Variants in CTTNBP2 observed in about 807,000 individuals in gnomAD.
The protein encoded by CTTNBP2 is cortactin-binding protein 2.
CTTNBP2 carries 108 observed loss-of-function variants against 156.9 expected under a neutral mutation model. That is an observed-to-expected ratio of 0.69 (90% CI 0.59 to 0.81). The LOEUF (loss-of-function observed/expected upper bound fraction) is 0.81, where lower values mean the gene tolerates loss of function less well. Ranked by LOEUF, CTTNBP2 falls within the 30% of genes least tolerant of loss-of-function variation. The probability of loss-of-function intolerance (pLI) is 0.00; values close to 1 mark genes in which losing one functional copy is unlikely to be tolerated. For missense variants in CTTNBP2, 1,924 were observed against 2,035.4 expected, an observed-to-expected ratio of 0.95 and a Z score of 1.05; for synonymous variants, 767 against 751.8, an observed-to-expected ratio of 1.02 and a Z score of -0.33.
At chr7:117,734,637 A>G (rs550670336) in intron 16 of CTTNBP2, among the ~76,000 whole-genome samples, 31 of 152,326 alleles carry the variant, frequency 2.0e-4, no homozygotes, top group African/African-American at 7.5e-4. Flanking sequence ...AGAGTGATTA[A>G]TTTTCTAACC....
chr7:117,842,544 C>G (rs890225049), intron 2 of CTTNBP2, among the ~76,000 whole-genome samples: 3 of 151,962 alleles, frequency 2.0e-5, no homozygotes, highest in Non-Finnish European at 2.9e-5. Flanking sequence ...AGAACCATCA[C>G]AGTAAAGTAA....
chr7:117,833,095 T>G (rs1262144024), intron 2 of CTTNBP2, among the ~76,000 whole-genome samples: 1 of 152,004 alleles, frequency 6.6e-6, no homozygotes, highest in Non-Finnish European at 1.5e-5. Flanking sequence ...CAAGCCACTA[T>G]CTCCCTGTAC....
At chr7:117,760,792 T>C (rs1406113228) in intron 9 of CTTNBP2, 82 bp from the exon 10 acceptor site, 2 of 900,840 alleles carry the variant, frequency 2.2e-6, no homozygotes, top group African/African-American at 1.7e-5. Flanking sequence ...AATAAGCAGA[T>C]ATAAACATTT....
intron 8 of CTTNBP2, 70 bp downstream of exon 8, chr7:117,777,441 T>C: frequency 4.7e-6 from 7 of 1,502,840 alleles, no homozygotes; most frequent in Non-Finnish European, 5.4e-6. Context: ...GTGCACTTAA[T>C]CTATAGCAGA....
chr7:117,712,723 A>G (rs1249960880), intron 22 of CTTNBP2, among the ~76,000 whole-genome samples: 1 of 152,170 alleles, frequency 6.6e-6, no homozygotes, highest in Non-Finnish European at 1.5e-5. Flanking sequence ...ATCGTCTTAT[A>G]TGACATTGGA....
intron 6 of CTTNBP2, among the ~76,000 whole-genome samples, chr7:117,781,380 A>G (rs1432689125): frequency 1.3e-5 from 2 of 152,216 alleles, no homozygotes; most frequent in Admixed American, 6.5e-5. Flanking sequence ...CCCTTGCAGT[A>G]TCTGATTTAT....
chr7:117,749,709 A>AT (rs201077485), intron 12 of CTTNBP2, among the ~76,000 whole-genome samples: 42 of 149,700 alleles, frequency 2.8e-4, no homozygotes, highest in East Asian at 1.4e-3. Context: ...ATCTTTTTTT[A>AT]TTTTTTTTTT....
At chr7:117,805,084 T>A (rs1799851390) in intron 3 of CTTNBP2, among the ~76,000 whole-genome samples, 1 of 152,218 alleles carries the variant, frequency 6.6e-6, no homozygotes, top group Non-Finnish European at 1.5e-5. Context: ...TTTTGAAGCA[T>A]GAACTAGGTC....
intron 2 of CTTNBP2, among the ~76,000 whole-genome samples, chr7:117,822,808 G>A (rs1462095372): frequency 2.0e-5 from 3 of 152,146 alleles, no homozygotes; most frequent in Admixed American, 6.5e-5. Flanking sequence ...ACCAGAGTGT[G>A]TTTTCTGCAT....
At chr7:117,865,557 T>G (rs941213272) in intron 1 of CTTNBP2, among the ~76,000 whole-genome samples, 1 of 148,630 alleles carries the variant, frequency 6.7e-6, no homozygotes, top group Non-Finnish European at 1.5e-5. Flanking sequence ...GCACCTGTAG[T>G]CCCAGCTACT....
In CTTNBP2 at chr7:117,810,940, A is replaced by C; in HGVS notation, c.239T>G (p.Leu80Arg). The C allele has an allele frequency of 6.2e-7, 1 of 1,614,126 alleles. No individual in the cohort carries two copies. The highest frequency in any genetic ancestry group is 8.5e-7 in the Non-Finnish European group (1 of 1,180,008). ...FIQERYGRFN[L>R]NDPFLALQRD... ...CTGGAGTGCCAGGAACGGGTCATTT[A>C]GATTAAATCTCCCATACCGTTCCTG... The change falls in exon 3 of 23, where the codon CTA (leucine) becomes CGA (arginine). Residue 80 changes from leucine to arginine, a missense_variant. Transcript: ENST00000160373.
At chr7:117,823,109 A>G (rs1429080718) in intron 2 of CTTNBP2, among the ~76,000 whole-genome samples, 2 of 152,140 alleles carry the variant, frequency 1.3e-5, no homozygotes, top group Non-Finnish European at 2.9e-5. Context: ...TGAATCTTCT[A>G]TTGTTTCCTT....
chr7:117,782,037 G>T (rs1798464324), intron 6 of CTTNBP2, among the ~76,000 whole-genome samples: 1 of 152,016 alleles, frequency 6.6e-6, no homozygotes, highest in South Asian at 2.1e-4. Context: ...AATTCATTTT[G>T]AATTTTAAAA....
intron 2 of CTTNBP2, among the ~76,000 whole-genome samples, chr7:117,852,959 T>C (rs1176606597): frequency 6.6e-6 from 1 of 152,128 alleles, no homozygotes; most frequent in Non-Finnish European, 1.5e-5. Context: ...ATATATCCTA[T>C]TAGCTTTACT....
intron 9 of CTTNBP2, among the ~76,000 whole-genome samples, chr7:117,766,702 C>T (rs1797503490): frequency 6.6e-6 from 1 of 152,272 alleles, no homozygotes; most frequent in East Asian, 1.9e-4. Flanking sequence ...ACTTGCCTGC[C>T]TCATACAATC....
chr7:117,730,886 A>AT (rs1329224096), intron 16 of CTTNBP2, among the ~76,000 whole-genome samples: 1 of 152,022 alleles, frequency 6.6e-6, no homozygotes, highest in South Asian at 2.1e-4. Context: ...ATCAAACATT[A>AT]TTTTTTCGGT....
chr7:117,861,978 A>C (rs1461645199), intron 1 of CTTNBP2, among the ~76,000 whole-genome samples: 1 of 152,076 alleles, frequency 6.6e-6, no homozygotes, highest in Non-Finnish European at 1.5e-5. Flanking sequence ...TCAGGGCAAT[A>C]ATCCACCGAG....
rs762371229 is a variant in CTTNBP2, at chr7:117,725,155, A to C, written c.4158T>G (p.Thr1386=). The C allele has an allele frequency of 6.2e-7, 1 of 1,613,750 alleles. No homozygotes were observed. The highest frequency in any genetic ancestry group is 8.5e-7 in the Non-Finnish European group (1 of 1,180,024). The change falls in exon 18 of 23, where the codon ACT becomes ACG. Residue 1386 remains threonine, a synonymous_variant. Coordinates refer to ENST00000160373, the MANE Select transcript of CTTNBP2 (RefSeq NM_033427.3). ...VKRQPGFGQT[T]AKRHPSQGQQ... Reference sequence around the variant, plus strand: ...GTCCTTGGCTAGGGTGTCTTTTAGCAGTTGTCTGCCCAAAGCCAGGTTGTC... The same window carrying C: ...GTCCTTGGCTAGGGTGTCTTTTAGCCGTTGTCTGCCCAAAGCCAGGTTGTC...
intron 2 of CTTNBP2, among the ~76,000 whole-genome samples, chr7:117,847,767 TTTCCATGCTTTTG>T (rs1802677251): frequency 6.6e-6 from 1 of 152,006 alleles, no homozygotes; most frequent in Non-Finnish European, 1.5e-5. Flanking sequence ...ACTGATATGT[TTTCCATGCTTTTG>T]TTCCATGTCC....
Sources: gnomAD v4.1 joint callset for allele counts (sites outside exome capture counted in the v4.1 genomes callset) on GRCh38, gnomAD v4.1.1 for gene constraint, MANE v1.5 for transcripts, NCBI Gene and HGNC (gene_info 2026-07-23, HGNC 2026-07-21) for gene names.